The following PDZD2 variants were observed in gnomAD, a reference collection of about 807,000 sequenced individuals.
PDZD2 encodes the protein PDZ domain containing 2.
PDZD2 carries 90 observed loss-of-function variants against 220.7 expected under a neutral mutation model. The observed-to-expected ratio is 0.41, with a 90% CI of 0.34 to 0.49. The LOEUF (loss-of-function observed/expected upper bound fraction) is 0.49, where lower values mean the gene tolerates loss of function less well. PDZD2 is among the 20% of genes least tolerant of loss of function. The probability of loss-of-function intolerance (pLI) is 0.28; values close to 1 mark genes in which losing one functional copy is unlikely to be tolerated. For missense variants in PDZD2, 3,174 were observed against 3,608.5 expected, an observed-to-expected ratio of 0.88 and a Z score of 3.08; for synonymous variants, 1,375 against 1,450.5, an observed-to-expected ratio of 0.95 and a Z score of 1.18.
In PDZD2 at chr5:31,815,199, C is replaced by T. The variant is rs965141038; in HGVS notation, c.476+15475C>T. Among the ~76,000 whole-genome samples, 3 of 141,644 alleles carry T rather than the reference C, an allele frequency of 2.1e-5. No individual in the cohort carries two copies. In the Admixed American group the frequency reaches 2.2e-4, roughly 11 times the overall value. The allele number at this position is 141,644 out of a possible 152,430, so 92.9% of individuals were successfully genotyped here. The stretch of plus-strand genomic sequence containing the variant: ...GGCAGAGGTTTCAGTGAGCTAAGAT[C>T]GCGCCACTGCACTCCAGCCTAGGCA... On this transcript the variant is annotated intron_variant, in intron 2 of 24. Transcript: ENST00000438447.
rs202037278 is a variant in PDZD2, at chr5:32,010,440, C to T, written c.1365C>T (p.Asp455=). The change falls in exon 6 of 25, where the codon GAC becomes GAT. Residue 455 remains aspartate (D), a synonymous_variant. Coordinates refer to ENST00000438447, the MANE Select transcript of PDZD2 (RefSeq NM_178140.4). ...SWTDNEDQEA[D]GEEDEGTSSS... ...CTGATAACGAAGACCAGGAGGCAGA[C>T]GGGGAAGAGGACGAAGGAACCAGCT... 46 of 1,611,816 alleles carry T rather than the reference C, an allele frequency of 2.9e-5. No individual in the cohort carries two copies. Among genetic ancestry groups the T allele is most frequent in the East Asian group, 2.0e-4 (9 of 44,852 alleles).
chr5:31,644,104 A>T (rs1016529483), intron 1 of PDZD2, among the ~76,000 whole-genome samples: 1 of 152,200 alleles, frequency 6.6e-6, no homozygotes, highest in African/African-American at 2.4e-5. Flanking sequence ...AAGTGCTGGG[A>T]TTATAGGCAT....
chr5:31,645,997 C>T (rs771317527), intron 1 of PDZD2, among the ~76,000 whole-genome samples: 5 of 151,412 alleles, frequency 3.3e-5, no homozygotes, highest in Non-Finnish European at 7.4e-5. Context: ...TCCGGGCATC[C>T]CCAGGCAGCT....
intron 2 of PDZD2, chr5:31,822,542 G>A (rs1387215946): frequency 2.7e-6 from 2 of 730,342 alleles, no homozygotes; most frequent in East Asian, 3.6e-5. Context: ...TTCTGTAGCT[G>A]GACAACTCTT....
intron 2 of PDZD2, chr5:31,822,936 C>T: frequency 2.0e-6 from 2 of 986,376 alleles, no homozygotes; most frequent in Non-Finnish European, 1.5e-6. Flanking sequence ...GAACGGTGGC[C>T]AGCTCCTTTC....
chr5:31,903,011 A>G (rs969205779), intron 2 of PDZD2, among the ~76,000 whole-genome samples: 4 of 149,654 alleles, frequency 2.7e-5, no homozygotes, highest in Non-Finnish European at 6.0e-5. Context: ...TGCAGGAGGG[A>G]AAAAAAAAAG....
chr5:31,905,484 C>G (rs190875619), intron 2 of PDZD2, among the ~76,000 whole-genome samples: 1 of 152,270 alleles, frequency 6.6e-6, no homozygotes, highest in East Asian at 1.9e-4. Context: ...AATCTTCCTC[C>G]GTGTTCTTGG....
rs1258861892 is a variant in PDZD2, at chr5:32,000,216, C to T, written c.1199C>T (p.Ala400Val). ...HLLVGLSHEEAVAILRSATGM... is the reference protein window; with the variant it reads ...HLLVGLSHEEVVAILRSATGM... ...CTGGTCGGGCTCTCCCACGAGGAAG[C>T]AGTGGCCATTCTTCGCTCCGCCACG... Residue 400 changes from alanine (A) to valine (V), a missense_variant, in exon 5 of 25, where the codon GCA becomes GTA. By Grantham distance (64) the Ala-to-Val change is moderately conservative. Transcript: ENST00000438447. The surrounding 1 kb of genome is among the most constrained non-coding windows in gnomAD (Gnocchi z 4.5). The T allele has an allele frequency of 6.2e-7, 1 of 1,613,918 alleles. No individual in the cohort carries two copies. The highest frequency in any genetic ancestry group is 1.7e-5 in the Admixed American group (1 of 60,006).
At chr5:31,873,259 C>T (rs531130578) in intron 2 of PDZD2, among the ~76,000 whole-genome samples, 2 of 152,008 alleles carry the variant, frequency 1.3e-5, no homozygotes, top group Middle Eastern at 6.8e-3. Flanking sequence ...CATAATGAGA[C>T]CCCATCTCTA....
At chr5:31,688,394 T>A (rs1746960622) in intron 1 of PDZD2, among the ~76,000 whole-genome samples, 1 of 152,194 alleles carries the variant, frequency 6.6e-6, no homozygotes, top group Non-Finnish European at 1.5e-5. Flanking sequence ...CTTTTCAGAT[T>A]GGCTTCCACT....
At chr5:31,921,450 A>G (rs1744246872) in intron 2 of PDZD2, among the ~76,000 whole-genome samples, 1 of 152,118 alleles carries the variant, frequency 6.6e-6, no homozygotes, top group African/African-American at 2.4e-5. Flanking sequence ...TCGGGAGGCC[A>G]AGGCAAGTGG....
intron 2 of PDZD2, among the ~76,000 whole-genome samples, chr5:31,813,658 T>C (rs893418278): frequency 3.9e-5 from 6 of 152,158 alleles, no homozygotes; most frequent in East Asian, 1.9e-4. Flanking sequence ...ACAGCCTTCC[T>C]GATGTGGTCA....
chr5:32,088,183 C>G lies in PDZD2; in HGVS notation c.4735C>G (p.Pro1579Ala), dbSNP rs1349627410. ...AGCTTCTGCCAGGGACGGCTGGTCCCCTCCTCGTTCCCGTGTGTCTTTGCA... is the reference window on the plus strand; with the variant it reads ...AGCTTCTGCCAGGGACGGCTGGTCCGCTCCTCGTTCCCGTGTGTCTTTGCA... ...PRASARDGWS[P>A]PRSRVSLHKE... is the part of the protein sequence containing the mutation. The change falls in exon 20 of 25, where the codon CCT (proline) becomes GCT (alanine). Residue 1579 changes from proline (P) to alanine (A), a missense_variant. Transcript: ENST00000438447. This position sits in a 1 kb window ranked among gnomAD's most constrained non-coding sequence, Gnocchi z 4.6. The G allele has an allele frequency of 6.2e-7, 1 of 1,613,994 alleles. No homozygotes were observed. The highest frequency in any genetic ancestry group is 8.5e-7 in the Non-Finnish European group (1 of 1,180,004).
chr5:31,961,975 A>G (rs1476798361), intron 2 of PDZD2, among the ~76,000 whole-genome samples: 5 of 152,196 alleles, frequency 3.3e-5, no homozygotes, highest in Admixed American at 2.6e-4. Context: ...GGCTCCAGGT[A>G]GAGAGAGAAT....
In PDZD2 at chr5:32,022,177, G is replaced by T. The variant is rs1033139432; in HGVS notation, c.1407+11695G>T. 2.2e-3 allele frequency among the ~76,000 whole-genome samples: 205 copies of T among 92,238 alleles called. 1 individual carries two copies. The highest frequency in any genetic ancestry group is 0.01 in the Middle Eastern group (2 of 192). 60.5% of individuals were successfully genotyped at this position (92,238 alleles called of 152,430 possible). ...ACTTGTCTTCTTCTTTTTTCGTTTT[G>T]TTTTTTTGTTTTTTTGTTTTTTGTT... On this transcript the variant is annotated intron_variant, in intron 6 of 24. Coordinates refer to ENST00000438447, the MANE Select transcript of PDZD2 (RefSeq NM_178140.4).
intron 2 of PDZD2, chr5:31,822,930 G>T (rs1477532208): frequency 2.0e-5 from 19 of 956,592 alleles, no homozygotes; most frequent in African/African-American, 3.3e-5. Flanking sequence ...TAGTCTGAAC[G>T]GTGGCCAGCT....
In PDZD2 at chr5:31,979,874, T is replaced by G. The variant is rs73070445; in HGVS notation, c.477-3281T>G. ...CTGCTGCTCAGTAGTGATGTGAACT[T>G]GGGCAAGCTGATTGATATTTCCAAG... On this transcript the variant is annotated intron_variant, in intron 2 of 24. Coordinates refer to ENST00000438447, the MANE Select transcript of PDZD2 (RefSeq NM_178140.4). Among the ~76,000 whole-genome samples, 1,233 of 152,304 alleles carry G rather than the reference T, an allele frequency of 8.1e-3. 21 individuals are homozygous for G. Among genetic ancestry groups the G allele is most frequent in the African/African-American group, 0.028 (1,169 of 41,576 alleles).
At chr5:31,712,313 A>C (rs1336397614) in intron 1 of PDZD2, among the ~76,000 whole-genome samples, 2 of 152,192 alleles carry the variant, frequency 1.3e-5, no homozygotes, top group Admixed American at 1.3e-4. Flanking sequence ...TCCCTGCCTC[A>C]CACGGCGTTG....
At chr5:32,060,976 A>G in intron 13 of PDZD2, 26 bp from the exon 14 acceptor site, 3 of 1,613,464 alleles carry the variant, frequency 1.9e-6, no homozygotes, top group Non-Finnish European at 2.5e-6. Flanking sequence ...GCTAACACAG[A>G]GTGTGGATTC....
Sources: allele counts gnomAD v4.1 joint callset (sites outside exome capture counted in the v4.1 genomes callset), GRCh38; gene constraint gnomAD v4.1.1; non-coding constraint Gnocchi (gnomAD v3.1); transcripts MANE v1.5; gene names NCBI Gene and HGNC (gene_info 2026-07-23, HGNC 2026-07-21).